GALNTL6: variants seen among roughly 807,000 people sequenced by gnomAD.
GALNTL6 encodes the protein polypeptide N-acetylgalactosaminyltransferase-like 6.
Under a neutral mutation model 73.7 loss-of-function variants are expected in GALNTL6, and 46 were observed. The observed-to-expected ratio is 0.62, with a 90% CI of 0.49 to 0.80. The LOEUF (loss-of-function observed/expected upper bound fraction) is 0.80, where lower values mean the gene tolerates loss of function less well. Ranked by LOEUF, GALNTL6 falls within the 30% of genes least tolerant of loss-of-function variation. The pLI is 0.00. For missense variants in GALNTL6, 604 were observed against 755.0 expected (o/e 0.80, Z 2.34); for synonymous variants, 259 against 263.7 (o/e 0.98, Z 0.17).
At chr4:172,989,567 A>ATCT (rs1397824698) in intron 10 of GALNTL6, among the ~76,000 whole-genome samples, 6 of 152,190 alleles carry the variant, frequency 3.9e-5, no homozygotes, top group African/African-American at 1.4e-4. Flanking sequence ...TGATTGGATC[A>ATCT]TGTGGGCAGA....
chr4:171,930,176 C>T (rs77866811), intron 2 of GALNTL6, among the ~76,000 whole-genome samples: 2,688 of 152,306 alleles, frequency 0.018, 79 homozygotes, highest in African/African-American at 0.062. Context: ...AGAGCACACG[C>T]GACAGCCTGT....
intron 5 of GALNTL6, among the ~76,000 whole-genome samples, chr4:172,488,339 G>A (rs1413202536): frequency 2.0e-5 from 3 of 152,182 alleles, no homozygotes; most frequent in Admixed American, 1.3e-4. Flanking sequence ...TAGTAAAGAT[G>A]GCTTCCCCTG....
At chr4:171,821,257 G>A (rs562727052) in intron 2 of GALNTL6, among the ~76,000 whole-genome samples, 1 of 152,092 alleles carries the variant, frequency 6.6e-6, no homozygotes, top group South Asian at 2.1e-4. Flanking sequence ...ACCCAGGCTG[G>A]TCTCAACTCC....
intron 11 of GALNTL6, among the ~76,000 whole-genome samples, chr4:173,014,644 G>A (rs1384884171): frequency 6.6e-6 from 1 of 152,128 alleles, no homozygotes; most frequent in Non-Finnish European, 1.5e-5. Context: ...AAACTGCAAG[G>A]AGAAACATGC....
intron 2 of GALNTL6, among the ~76,000 whole-genome samples, chr4:172,001,250 A>T (rs1213209825): frequency 1.3e-5 from 2 of 152,188 alleles, no homozygotes; most frequent in East Asian, 3.9e-4. Context: ...ACTATATCCA[A>T]TTAGTATACT....
At chr4:172,886,249 C>A (rs573412862) in intron 8 of GALNTL6, among the ~76,000 whole-genome samples, 1 of 152,114 alleles carries the variant, frequency 6.6e-6, no homozygotes, top group Admixed American at 6.5e-5. Context: ...TTTTCTTTTT[C>A]TTCATGGTTC....
intron 2 of GALNTL6, among the ~76,000 whole-genome samples, chr4:172,145,628 A>G (rs1290679162): frequency 6.6e-6 from 1 of 152,150 alleles, no homozygotes. Context: ...ATCCATCTAA[A>G]ATCACAAAGA....
chr4:172,729,471 CACCACTTATTGA>C (rs1250703355), intron 5 of GALNTL6, among the ~76,000 whole-genome samples: 4 of 152,172 alleles, frequency 2.6e-5, no homozygotes, highest in Non-Finnish European at 5.9e-5. Context: ...GTTTTCCCAG[CACCACTTATTGA>C]AAAGACTGTT....
At chr4:172,758,883 G>T (rs538297972) in intron 5 of GALNTL6, among the ~76,000 whole-genome samples, 78 of 152,288 alleles carry the variant, frequency 5.1e-4, no homozygotes, top group African/African-American at 1.8e-3. Context: ...CATCCACTGG[G>T]ATCTTGGAAT....
At chr4:171,966,522 G>A (rs1403368595) in intron 2 of GALNTL6, among the ~76,000 whole-genome samples, 1 of 152,138 alleles carries the variant, frequency 6.6e-6, no homozygotes, top group Non-Finnish European at 1.5e-5. Flanking sequence ...TCACAGAGTG[G>A]ACTCCAACAT....
intron 2 of GALNTL6, among the ~76,000 whole-genome samples, chr4:172,152,180 G>A (rs1734110592): frequency 6.6e-6 from 1 of 152,056 alleles, no homozygotes; most frequent in Admixed American, 6.6e-5. Context: ...GTTTCACCCT[G>A]TTGGTCAGGC....
chr4:172,655,866 CA>C (rs1325389411), intron 5 of GALNTL6, among the ~76,000 whole-genome samples: 8 of 152,134 alleles, frequency 5.3e-5, no homozygotes, highest in African/African-American at 1.4e-4. Flanking sequence ...GAAATAATCG[CA>C]AGTACCTCCT....
Position 172,217,187 on chromosome 4 carries a change from A to C in GALNTL6, c.139-12469A>C, listed in dbSNP as rs975225325. On this transcript the variant is annotated intron_variant, in intron 2 of 12. Transcript: ENST00000506823. ...TTCAGGATTGGGAGGGCCTGGAAGA[A>C]AAAGATCTAGCAATGTTAATAGAGA... Among the ~76,000 whole-genome samples, 6 of 152,170 alleles carry C rather than the reference A, an allele frequency of 3.9e-5. 1 individual carries two copies. The highest frequency in any genetic ancestry group is 8.8e-5 in the Non-Finnish European group (6 of 68,026).
intron 5 of GALNTL6, among the ~76,000 whole-genome samples, chr4:172,568,529 G>C (rs1202645053): frequency 6.6e-6 from 1 of 151,856 alleles, no homozygotes; most frequent in Non-Finnish European, 1.5e-5. Context: ...GGCCGAGGCG[G>C]GCGGATCACG....
intron 2 of GALNTL6, among the ~76,000 whole-genome samples, chr4:171,897,752 C>G (rs113156555): frequency 5.7e-4 from 86 of 151,400 alleles, no homozygotes; most frequent in African/African-American, 2.1e-3. Flanking sequence ...CCGGTGAAAC[C>G]GCTTTTCTAC....
At chr4:171,850,522 T>C (rs756481465) in intron 2 of GALNTL6, among the ~76,000 whole-genome samples, 2 of 150,602 alleles carry the variant, frequency 1.3e-5, no homozygotes, top group Admixed American at 6.7e-5. Flanking sequence ...CTTGTTTAAC[T>C]GCTAAATAAA....
chr4:172,483,610 T>C (rs911499981), intron 5 of GALNTL6, among the ~76,000 whole-genome samples: 8 of 152,086 alleles, frequency 5.3e-5, no homozygotes, highest in African/African-American at 1.9e-4. Flanking sequence ...TGAAAAACAA[T>C]AGAAAATTGA....
chr4:171,983,252 C>A (rs940502889), intron 2 of GALNTL6, among the ~76,000 whole-genome samples: 1 of 152,062 alleles, frequency 6.6e-6, no homozygotes. Context: ...TTTTGAGGGG[C>A]AAAGCTTGCT....
At chr4:172,485,635 T>C (rs577014875) in intron 5 of GALNTL6, among the ~76,000 whole-genome samples, 2 of 152,206 alleles carry the variant, frequency 1.3e-5, no homozygotes, top group Middle Eastern at 3.4e-3. Flanking sequence ...TCTGTGAAAA[T>C]TAACCACAAA....
Sources: gnomAD v4.1 joint callset for allele counts (sites outside exome capture counted in the v4.1 genomes callset) on GRCh38, gnomAD v4.1.1 for gene constraint, MANE v1.5 for transcripts, NCBI Gene and HGNC (gene_info 2026-07-23, HGNC 2026-07-21) for gene names.